The following RMP64 variants were observed in gnomAD, a reference collection of about 807,000 sequenced individuals.
RMP64 encodes the protein nucleolus and neural progenitor protein.
chr3:113,005,631 A>G, the RMP64 span: 1 of 1,613,908 alleles, frequency 6.2e-7, no homozygotes. Flanking sequence ...ACCGTCCACG[A>G]ATCAGTTTCA....
the RMP64 span, among the ~76,000 whole-genome samples, chr3:113,018,637 C>A: frequency 2.0e-5 from 3 of 152,154 alleles, no homozygotes; most frequent in Non-Finnish European, 4.4e-5. Flanking sequence ...CCAGCCCAAC[C>A]GGAAACAAAG....
chr3:113,009,074 A>G, the RMP64 span, among the ~76,000 whole-genome samples: 3 of 152,224 alleles, frequency 2.0e-5, no homozygotes, highest in African/African-American at 7.2e-5. Context: ...CAGCAGAATA[A>G]GCCCATTAAT....
At chr3:113,017,712 A>T in the RMP64 span, 1 of 970,594 alleles carries the variant, frequency 1.0e-6, no homozygotes, top group Non-Finnish European at 1.5e-6. Context: ...AAGGAATCAA[A>T]AACTAATGTA....
At chr3:113,019,529 G>A in the RMP64 span, 3 of 1,601,984 alleles carry the variant, frequency 1.9e-6, no homozygotes, top group East Asian at 2.2e-5. Context: ...TCCTCGCCCG[G>A]CGCCTCACTC....
At chr3:113,008,144 G>A in the RMP64 span, 23 of 1,594,766 alleles carry the variant, frequency 1.4e-5, no homozygotes, top group Non-Finnish European at 1.8e-5. Context: ...AAAAAGTAAA[G>A]TAACATAATT....
At chr3:113,016,388 C>G in the RMP64 span, among the ~76,000 whole-genome samples, 2 of 151,964 alleles carry the variant, frequency 1.3e-5, no homozygotes, top group South Asian at 4.2e-4. Context: ...AAGAGGGGAC[C>G]AGATGCAGAG....
the RMP64 span, among the ~76,000 whole-genome samples, chr3:113,007,604 T>G: frequency 2.6e-5 from 4 of 152,314 alleles, 1 homozygote; most frequent in South Asian, 8.3e-4. Context: ...CATGCAATAC[T>G]GGTTCACAAG....
the RMP64 span, chr3:113,019,647 T>G: frequency 1.2e-6 from 2 of 1,612,030 alleles, no homozygotes; most frequent in Non-Finnish European, 1.7e-6. Flanking sequence ...GCAGCCATCA[T>G]GCGAGGCGGG....
At chr3:113,005,963 T>C in the RMP64 span, 2 of 1,613,676 alleles carry the variant, frequency 1.2e-6, no homozygotes, top group Non-Finnish European at 1.7e-6. Context: ...AAGAAGGTGG[T>C]TGCAAATAGA....
chr3:113,015,859 TAAA>T, the RMP64 span, among the ~76,000 whole-genome samples: 1 of 107,548 alleles, frequency 9.3e-6, no homozygotes, highest in Non-Finnish European at 2.0e-5. Flanking sequence ...GCCAAGAATT[TAAA>T]AAAAAAAAAA....
chr3:113,012,815 G>A, the RMP64 span: 1 of 1,570,750 alleles, frequency 6.4e-7, no homozygotes, highest in Non-Finnish European at 8.8e-7. Flanking sequence ...AGTCAAACTG[G>A]AAAATCAATT....
the RMP64 span, chr3:113,013,860 T>A: frequency 1.1e-6 from 1 of 921,544 alleles, no homozygotes; most frequent in South Asian, 1.4e-5. Flanking sequence ...TTGGTTATAT[T>A]CCAACAGCAA....
At chr3:113,012,701 A>G in the RMP64 span, 1 of 1,203,280 alleles carries the variant, frequency 8.3e-7, no homozygotes, top group Non-Finnish European at 1.2e-6. Flanking sequence ...GGAGATGAGA[A>G]AGAAATGAAG....
the RMP64 span, chr3:113,019,584 T>TC: frequency 6.2e-7 from 1 of 1,613,844 alleles, no homozygotes; most frequent in Admixed American, 1.7e-5. Flanking sequence ...GCGCTGCGGT[T>TC]CCCCGCCTTA....
chr3:113,019,618 C>T, the RMP64 span: 3 of 1,613,718 alleles, frequency 1.9e-6, no homozygotes, highest in East Asian at 2.2e-5. Flanking sequence ...GGTTCCACGG[C>T]TCCAGGCCCG....
At chr3:113,017,871 A>T in the RMP64 span, among the ~76,000 whole-genome samples, 1 of 152,194 alleles carries the variant, frequency 6.6e-6, no homozygotes, top group Non-Finnish European at 1.5e-5. Context: ...ATGGTTTAAT[A>T]ATCTTTCATA....
At chr3:113,005,803 ACTC>A in the RMP64 span, 1 of 1,613,560 alleles carries the variant, frequency 6.2e-7, no homozygotes, top group African/African-American at 1.3e-5. Context: ...TATCTGTAGC[ACTC>A]TTCCGAGTCC....
At chr3:113,005,861 T>A in the RMP64 span, 1 of 1,613,930 alleles carries the variant, frequency 6.2e-7, no homozygotes, top group African/African-American at 1.3e-5. Context: ...CGACTGCAAC[T>A]TTCTCTGTGG....
the RMP64 span, chr3:113,013,439 TAAAAA>T: frequency 7.0e-7 from 1 of 1,419,348 alleles, no homozygotes; most frequent in Admixed American, 2.5e-5. Context: ...TACTTTCACT[TAAAAA>T]AAAAGGGTTT....
Sources: allele counts gnomAD v4.1 joint callset (sites outside exome capture counted in the v4.1 genomes callset), GRCh38; gene constraint gnomAD v4.1.1; transcripts MANE v1.5; gene names NCBI Gene and HGNC (gene_info 2026-07-23, HGNC 2026-07-21).